WDR7: variants seen among roughly 807,000 people sequenced by gnomAD.
The protein encoded by WDR7 is WD repeat-containing protein 7.
Under a neutral mutation model 169.4 loss-of-function variants are expected in WDR7, and 46 were observed. That is an observed-to-expected ratio of 0.27 (90% CI 0.21 to 0.35). The LOEUF (loss-of-function observed/expected upper bound fraction) is 0.35, where lower values mean the gene tolerates loss of function less well. Ranked by LOEUF, WDR7 falls within the 10% of genes least tolerant of loss-of-function variation. The pLI is 1.00. For missense variants in WDR7, 1,534 were observed against 1,859.3 expected, an observed-to-expected ratio of 0.83 and a Z score of 3.22; for synonymous variants, 612 against 666.8, an observed-to-expected ratio of 0.92 and a Z score of 1.27.
intron 2 of WDR7, among the ~76,000 whole-genome samples, chr18:56,677,475 A>G (rs995992927): frequency 3.3e-5 from 5 of 152,030 alleles, no homozygotes; most frequent in Admixed American, 3.3e-4. Context: ...TCAGCCTCCC[A>G]AGTAGCTGGG....
chr18:56,736,441 A>G (rs1026355049), intron 14 of WDR7, among the ~76,000 whole-genome samples: 3 of 151,864 alleles, frequency 2.0e-5, no homozygotes, highest in African/African-American at 7.3e-5. Flanking sequence ...ACATCTTCGT[A>G]TGATATTATT....
chr18:56,717,040 A>G (rs1232253737), intron 12 of WDR7, among the ~76,000 whole-genome samples: 1 of 152,170 alleles, frequency 6.6e-6, no homozygotes, highest in Non-Finnish European at 1.5e-5. Flanking sequence ...CATACAAGGG[A>G]AAGAGTATAT....
chr18:57,035,649 G>A, the WDR7 span: 1 of 152,320 alleles, frequency 6.6e-6, no homozygotes, highest in African/African-American at 2.4e-5. Context: ...ACTGAGGGTA[G>A]AAGATGTCAT....
chr18:56,809,316 T>G (rs963461038), intron 19 of WDR7, among the ~76,000 whole-genome samples: 1 of 152,152 alleles, frequency 6.6e-6, no homozygotes, highest in Admixed American at 6.6e-5. Flanking sequence ...CCCTTACTGT[T>G]ATTTTCTAGT....
Position 56,731,582 on chromosome 18 carries a change from T to C in WDR7, c.1974T>C (p.Ser658=), listed in dbSNP as rs756096633. The part of the protein sequence containing the change: ...LQTLATNLLA[S]EASDKGNLPK... Reference sequence around the variant, plus strand: ...CCCTTGCAACTAACCTCTTGGCTTCTGAGGCATCTGACAAGGTAAGTTTTA... The same window carrying C: ...CCCTTGCAACTAACCTCTTGGCTTCCGAGGCATCTGACAAGGTAAGTTTTA... The change falls in exon 14 of 28, where the codon TCT becomes TCC. Residue 658 remains serine, a synonymous_variant. Coordinates refer to ENST00000254442, the MANE Select transcript of WDR7 (RefSeq NM_015285.3). 3.2e-5 allele frequency: 52 copies of C among 1,613,848 alleles called. No homozygotes were observed. The highest frequency in any genetic ancestry group is 1.9e-5 in the Non-Finnish European group (23 of 1,180,010).
chr18:56,973,982 C>A (rs2047528246), intron 26 of WDR7, among the ~76,000 whole-genome samples: 1 of 152,126 alleles, frequency 6.6e-6, no homozygotes, highest in Middle Eastern at 3.2e-3. Context: ...GTCTTATTTC[C>A]CATCTCTTTT....
At chr18:56,810,415 G>T (rs2044848557) in intron 19 of WDR7, among the ~76,000 whole-genome samples, 1 of 151,974 alleles carries the variant, frequency 6.6e-6, no homozygotes, top group Admixed American at 6.6e-5. Flanking sequence ...AGAATATTTT[G>T]CTGATCTTTA....
At chr18:56,898,850 C>A (rs924642762) in intron 21 of WDR7, among the ~76,000 whole-genome samples, 1 of 151,946 alleles carries the variant, frequency 6.6e-6, no homozygotes, top group Non-Finnish European at 1.5e-5. Context: ...AGGATTCTAC[C>A]AATACTAATT....
At chr18:56,953,787 A>G (rs1397895099) in intron 25 of WDR7, among the ~76,000 whole-genome samples, 2 of 152,222 alleles carry the variant, frequency 1.3e-5, no homozygotes, top group Non-Finnish European at 2.9e-5. Context: ...AGATGAGTAG[A>G]TGTTTGTCAG....
intron 19 of WDR7, among the ~76,000 whole-genome samples, chr18:56,783,515 G>A (rs555100284): frequency 1.3e-5 from 2 of 152,058 alleles, no homozygotes; most frequent in African/African-American, 4.8e-5. Context: ...AATCACTAAA[G>A]AATTTTTTTA....
intron 14 of WDR7, among the ~76,000 whole-genome samples, chr18:56,738,640 CA>C (rs1329469764): frequency 3.9e-5 from 6 of 152,248 alleles, no homozygotes; most frequent in Admixed American, 2.6e-4. Context: ...GTTTGGGTAT[CA>C]TAATAGTTAC....
At chr18:56,697,157 T>C (rs2025721590) in intron 12 of WDR7, among the ~76,000 whole-genome samples, 1 of 152,186 alleles carries the variant, frequency 6.6e-6, no homozygotes, top group Admixed American at 6.5e-5. Flanking sequence ...ACTCACTCAT[T>C]TGTTTGCACA....
chr18:56,781,438 T>C, intron 18 of WDR7, 95 bp from the exon 19 acceptor site: 1 of 1,295,718 alleles, frequency 7.7e-7, no homozygotes, highest in Non-Finnish European at 1.0e-6. Context: ...TTTTATGTTT[T>C]CTAGCCTTAT....
rs1568288621 is a variant in WDR7 at position 56,962,490 on chromosome 18, T to A, written c.4125T>A (p.Gly1375=). The A allele has an allele frequency of 7.4e-6, 12 of 1,613,044 alleles. No individual in the cohort carries two copies. The highest frequency in any genetic ancestry group is 9.3e-6 in the Non-Finnish European group (11 of 1,179,308). The change falls in exon 26 of 28, where the codon GGT becomes GGA. Residue 1375 remains glycine (G), a synonymous_variant. Transcript: ENST00000254442. ...NHRIAVGARH[G]SVALYDIRTG... ...GAATAGCAGTTGGAGCTCGCCATGG[T>A]TCAGTGGCCCTGTACGACATCCGGA...
chr18:57,030,334 A>G (rs1008424566), downstream of WDR7: 1 of 152,232 alleles, frequency 6.6e-6, no homozygotes, highest in Non-Finnish European at 1.5e-5. Flanking sequence ...GATTTGAGTC[A>G]ATCATCGTGT....
chr18:56,709,240 T>C (rs576331077), intron 12 of WDR7, among the ~76,000 whole-genome samples: 96 of 152,152 alleles, frequency 6.3e-4, no homozygotes, highest in African/African-American at 2.2e-3. Context: ...GATGAAACTA[T>C]TCAGATTAAA....
At chr18:56,841,028 T>C (rs1051592483) in intron 20 of WDR7, among the ~76,000 whole-genome samples, 1 of 151,520 alleles carries the variant, frequency 6.6e-6, no homozygotes, top group Non-Finnish European at 1.5e-5. Flanking sequence ...CCATCTCTAC[T>C]AAAAATACAA....
In WDR7 at chr18:56,663,350, C is replaced by T. The variant is rs568297779; in HGVS notation, c.-19-9147C>T. Among the ~76,000 whole-genome samples the T allele has an allele frequency of 1.2e-3, 182 of 152,070 alleles. No homozygotes were observed. In the Middle Eastern group the frequency reaches 0.014, roughly 11 times the overall value. ...GTCTGAGGGAAAACATTATAAAAAG[C>T]ATTTTGTAGATTATTGAAGTGATTT... On this transcript the variant is annotated intron_variant, in intron 1 of 27. Transcript: ENST00000254442.
intron 21 of WDR7, among the ~76,000 whole-genome samples, chr18:56,891,940 G>A (rs1409872311): frequency 6.6e-6 from 1 of 151,926 alleles, no homozygotes; most frequent in Non-Finnish European, 1.5e-5. Flanking sequence ...AGTTCAGATT[G>A]GATGGAAGTT....
Sources: gnomAD v4.1 joint callset for allele counts (sites outside exome capture counted in the v4.1 genomes callset) on GRCh38, gnomAD v4.1.1 for gene constraint, MANE v1.5 for transcripts, NCBI Gene and HGNC (gene_info 2026-07-23, HGNC 2026-07-21) for gene names.